The following ATP11C variants were observed in gnomAD, a reference collection of about 807,000 sequenced individuals.
The protein encoded by ATP11C is phospholipid-transporting ATPase IG.
ATP11C carries 36 observed loss-of-function variants against 97.4 expected under a neutral mutation model. The ratio of observed to expected loss-of-function variants is 0.37; its 90% CI spans 0.28 to 0.49. The LOEUF (loss-of-function observed/expected upper bound fraction) is 0.49, where lower values mean the gene tolerates loss of function less well. Ranked by LOEUF, ATP11C falls within the 20% of genes least tolerant of loss-of-function variation. The pLI, the probability that ATP11C is intolerant of heterozygous loss-of-function variation, is 0.98. For synonymous variants in ATP11C, 275 were observed against 290.9 expected (o/e 0.95, Z 0.56); for missense variants, 730 against 824.6 (o/e 0.89, Z 1.40).
chrX:139,731,846 A>T (rs1372044485), intron 28 of ATP11C, 91 bp from the exon 29 acceptor site: 19 of 476,591 alleles, frequency 4.0e-5, no homozygotes, highest in Non-Finnish European at 5.9e-5. Flanking sequence ...AAAGAAAAAA[A>T]TCATTTCCTA....
intron 1 of ATP11C, among the ~76,000 whole-genome samples, chrX:139,855,942 C>A (rs148536254): frequency 0.049 from 5,544 of 112,003 alleles, 155 homozygotes; most frequent in Middle Eastern, 0.083. Flanking sequence ...CAAGGGTGGA[C>A]TGCCCCAGTT....
chrX:139,857,367 A>G (rs1295630678), intron 1 of ATP11C, among the ~76,000 whole-genome samples: 1 of 112,058 alleles, frequency 8.9e-6, no homozygotes, highest in Admixed American at 9.5e-5. Flanking sequence ...CAAAGAATTA[A>G]TATGTCAGTG....
chrX:139,817,068 T>C (rs751443777), intron 3 of ATP11C, 125 bp from the exon 4 acceptor site: 19 of 370,017 alleles, frequency 5.1e-5, no homozygotes, highest in African/African-American at 4.5e-4. Context: ...GTAGGGTAAA[T>C]ATTAATTTTC....
intron 1 of ATP11C, among the ~76,000 whole-genome samples, chrX:139,866,174 T>A (rs2084278716): frequency 9.2e-6 from 1 of 108,155 alleles, no homozygotes; most frequent in Non-Finnish European, 1.9e-5. Flanking sequence ...TGAAACCCTG[T>A]CTCTACTAAA....
intron 1 of ATP11C, among the ~76,000 whole-genome samples, chrX:139,852,856 G>C (rs751220812): frequency 1.8e-5 from 2 of 111,177 alleles, no homozygotes; most frequent in East Asian, 5.8e-4. Context: ...CCTTCAGAGG[G>C]GAAAAGGGGG....
At chrX:139,763,869 AATG>A (rs762403918) in intron 20 of ATP11C, among the ~76,000 whole-genome samples, 1 of 112,206 alleles carries the variant, frequency 8.9e-6, no homozygotes, top group African/African-American at 3.2e-5. Flanking sequence ...AGCCATTCAA[AATG>A]TAACACCAGC....
intron 1 of ATP11C, among the ~76,000 whole-genome samples, chrX:139,865,661 T>G (rs1386851184): frequency 2.7e-5 from 3 of 110,657 alleles, no homozygotes; most frequent in Admixed American, 9.7e-5. Flanking sequence ...ACTCGGAGAC[T>G]AAGGCAGTAG....
chrX:139,847,310 G>A (rs1187114892), intron 1 of ATP11C, among the ~76,000 whole-genome samples: 1 of 111,212 alleles, frequency 9.0e-6, no homozygotes, highest in Non-Finnish European at 1.9e-5. Context: ...TTGACCCTGG[G>A]AGGCAGAGAT....
intron 1 of ATP11C, among the ~76,000 whole-genome samples, chrX:139,918,547 G>A (rs1245056241): frequency 2.9e-5 from 3 of 101,957 alleles, no homozygotes; most frequent in Non-Finnish European, 6.0e-5. Context: ...GCTTGAACCC[G>A]GGGCGGGGGT....
chrX:139,883,364 T>C (rs2084590726), intron 1 of ATP11C, among the ~76,000 whole-genome samples: 1 of 110,117 alleles, frequency 9.1e-6, no homozygotes, highest in South Asian at 3.9e-4. Context: ...GTATGAAGGG[T>C]AGAAGAAACT....
At chrX:139,750,442 G>A (rs181348313) in intron 23 of ATP11C, among the ~76,000 whole-genome samples, 3 of 111,890 alleles carry the variant, frequency 2.7e-5, no homozygotes, top group Non-Finnish European at 5.6e-5. Context: ...TTTCAAGATT[G>A]CTTAGTAGCT....
intron 20 of ATP11C, among the ~76,000 whole-genome samples, chrX:139,764,083 G>A (rs756361309): frequency 8.9e-6 from 1 of 112,125 alleles, no homozygotes; most frequent in East Asian, 2.8e-4. Flanking sequence ...GGAAGTCAGA[G>A]AACAATGTTT....
chrX:139,789,970 CAGTGAGCTG>C lies in ATP11C; in HGVS notation c.1207-491_1207-483del, dbSNP rs757153843. 6.1e-4 allele frequency among the ~76,000 whole-genome samples: 66 copies of C among 108,508 alleles called. No homozygotes were observed. The East Asian group carries it at 0.018, about 30-fold the overall frequency. 94.2% of individuals were successfully genotyped at this position (108,508 alleles called of 115,157 possible). ...GCTTGAATCCAGGAGACAAAGGTTG[CAGTGAGCTG>C]AGATCACATCACTATACTCCAACCT... On this transcript the variant is annotated intron_variant, in intron 12 of 29. Coordinates refer to ENST00000682941, the MANE Select transcript of ATP11C (RefSeq NM_001353812.2).
At chrX:139,835,009 T>A (rs1163538706) in intron 1 of ATP11C, among the ~76,000 whole-genome samples, 1 of 112,430 alleles carries the variant, frequency 8.9e-6, no homozygotes, top group East Asian at 2.8e-4. Context: ...GCAATGCTAC[T>A]GTAATATACC....
At chrX:139,831,749 C>T (rs1360467071) in intron 1 of ATP11C, among the ~76,000 whole-genome samples, 1 of 111,680 alleles carries the variant, frequency 9.0e-6, no homozygotes, top group Non-Finnish European at 1.9e-5. Flanking sequence ...TCAGGTTCTT[C>T]CATTTATAGG....
chrX:139,907,355 T>C (rs2084996471), intron 1 of ATP11C, among the ~76,000 whole-genome samples: 1 of 111,746 alleles, frequency 8.9e-6, no homozygotes, highest in African/African-American at 3.3e-5. Flanking sequence ...AAGCTTCTCC[T>C]GGACTCCCTT....
At chrX:139,830,641 A>C in intron 1 of ATP11C, among the ~76,000 whole-genome samples, 1 of 111,723 alleles carries the variant, frequency 9.0e-6, no homozygotes, top group African/African-American at 3.3e-5. Flanking sequence ...TTGGTCATCG[A>C]ACTGCTTTCT....
intron 1 of ATP11C, among the ~76,000 whole-genome samples, chrX:139,842,692 T>C (rs902792091): frequency 8.9e-6 from 1 of 112,340 alleles, no homozygotes; most frequent in Non-Finnish European, 1.9e-5. Flanking sequence ...TTGTCTTAAA[T>C]TTCCAAGAGA....
At chrX:139,788,097 T>A in intron 14 of ATP11C, 95 bp downstream of exon 14, 1 of 831,140 alleles carries the variant, frequency 1.2e-6, no homozygotes, top group Non-Finnish European at 1.7e-6. Flanking sequence ...GAGATGTATG[T>A]GCTAAGGTCA....
Sources: allele counts gnomAD v4.1 joint callset (sites outside exome capture counted in the v4.1 genomes callset), GRCh38; gene constraint gnomAD v4.1.1; transcripts MANE v1.5; gene names NCBI Gene and HGNC (gene_info 2026-07-23, HGNC 2026-07-21).